Variants in CDKL4 observed in about 807,000 individuals in gnomAD.
CDKL4 encodes cyclin-dependent kinase-like 4.
In CDKL4, 44 loss-of-function variants were observed where a neutral mutation model predicts 42.0. The observed-to-expected ratio is 1.05, with a 90% confidence interval of 0.82 to 1.35. The LOEUF (loss-of-function observed/expected upper bound fraction) is 1.35, where lower values mean the gene tolerates loss of function less well. Among genes scored for constraint, CDKL4 ranks in the 40% most tolerant of loss-of-function variants. CDKL4 has a pLI of 0.00. For synonymous variants in CDKL4, 120 were observed against 121.6 expected, an observed-to-expected ratio of 0.99 and a Z score of 0.09; for missense variants, 393 against 369.9, an observed-to-expected ratio of 1.06 and a Z score of -0.51.
At chr2:39,172,960 C>A (rs909917749), downstream of CDKL4, among the ~76,000 whole-genome samples, 1 of 152,142 alleles carries the variant, frequency 6.6e-6, no homozygotes, top group African/African-American at 2.4e-5. Flanking sequence ...GTCCCCTCCC[C>A]AGTGACACCT....
intron 1 of CDKL4, among the ~76,000 whole-genome samples, chr2:39,239,008 T>C (rs1193158751): frequency 6.6e-6 from 1 of 152,234 alleles, no homozygotes; most frequent in Non-Finnish European, 1.5e-5. Flanking sequence ...TGCTGTGGCC[T>C]CCAAAAGTGT....
At chr2:39,200,569 T>A (rs1052802474) in intron 5 of CDKL4, among the ~76,000 whole-genome samples, 1 of 152,030 alleles carries the variant, frequency 6.6e-6, no homozygotes, top group Admixed American at 6.6e-5. Flanking sequence ...GGAGGGATTA[T>A]CCTACCTGAC....
intron 8 of CDKL4, among the ~76,000 whole-genome samples, chr2:39,183,053 G>A (rs1448066279): frequency 4.6e-5 from 7 of 152,184 alleles, no homozygotes; most frequent in Admixed American, 4.6e-4. Context: ...AGGCCTAGGT[G>A]GGCGGATCAT....
downstream of CDKL4, among the ~76,000 whole-genome samples, chr2:39,173,532 G>A (rs752685294): frequency 9.2e-5 from 14 of 152,072 alleles, no homozygotes; most frequent in East Asian, 1.9e-4. Flanking sequence ...AGCTGGAGCC[G>A]GGCGCGGTGG....
At chr2:39,227,065 C>T (rs1678793288) in intron 2 of CDKL4, among the ~76,000 whole-genome samples, 1 of 151,842 alleles carries the variant, frequency 6.6e-6, no homozygotes, top group Non-Finnish European at 1.5e-5. Flanking sequence ...GGATTACAGG[C>T]GTGAGCCATT....
intron 4 of CDKL4, among the ~76,000 whole-genome samples, chr2:39,206,360 G>T (rs1677187810): frequency 6.6e-6 from 1 of 152,212 alleles, no homozygotes; most frequent in African/African-American, 2.4e-5. Flanking sequence ...GGGATTACAG[G>T]CGTGAGCCAC....
intron 4 of CDKL4, among the ~76,000 whole-genome samples, chr2:39,209,234 C>T (rs1677426064): frequency 6.7e-6 from 1 of 150,220 alleles, no homozygotes; most frequent in South Asian, 2.1e-4. Context: ...ATTGTTTGAG[C>T]ATGGGAGGCT....
upstream of CDKL4, among the ~76,000 whole-genome samples, chr2:39,246,304 A>C (rs1679910671): frequency 6.6e-6 from 1 of 152,232 alleles, no homozygotes. Flanking sequence ...CTTCCACTAA[A>C]GTCAAATACT....
chr2:39,218,317 A>G (rs13000581), intron 3 of CDKL4, among the ~76,000 whole-genome samples: 111,821 of 151,866 alleles, frequency 0.74, 45,550 homozygotes, highest in Non-Finnish European at 0.91. Flanking sequence ...CCTGGGCCAC[A>G]TGGCAAGACC....
intron 3 of CDKL4, among the ~76,000 whole-genome samples, chr2:39,222,687 T>G (rs1401700820): frequency 2.0e-5 from 3 of 152,050 alleles, no homozygotes; most frequent in Non-Finnish European, 1.5e-5. Context: ...ATGAGCTAAG[T>G]CTATAGACAG....
intron 4 of CDKL4, among the ~76,000 whole-genome samples, chr2:39,207,662 C>G (rs1428724264): frequency 6.6e-6 from 1 of 152,126 alleles, no homozygotes; most frequent in African/African-American, 2.4e-5. Flanking sequence ...AAATTTATAG[C>G]ACTTATTTTT....
chr2:39,196,250 C>T (rs998853911), intron 5 of CDKL4, among the ~76,000 whole-genome samples: 1 of 152,204 alleles, frequency 6.6e-6, no homozygotes, highest in Non-Finnish European at 1.5e-5. Context: ...CAACCAAGGA[C>T]CCTCATAGAG....
chr2:39,208,469 T>G (rs1347049565), intron 4 of CDKL4, among the ~76,000 whole-genome samples: 1 of 151,788 alleles, frequency 6.6e-6, no homozygotes, highest in Non-Finnish European at 1.5e-5. Flanking sequence ...GCCTCCTGAG[T>G]TGCTGGGATT....
intron 1 of CDKL4, among the ~76,000 whole-genome samples, chr2:39,234,134 C>T (rs1018383654): frequency 7.2e-5 from 11 of 151,774 alleles, no homozygotes; most frequent in African/African-American, 1.7e-4. Flanking sequence ...AGGACGGTCT[C>T]GATCTCCTGA....
chr2:39,207,234 A>T (rs1677254631), intron 4 of CDKL4, among the ~76,000 whole-genome samples: 1 of 152,028 alleles, frequency 6.6e-6, no homozygotes, highest in African/African-American at 2.4e-5. Flanking sequence ...AAAAATACAA[A>T]AATTAGCTAG....
Position 39,192,643 on chromosome 2 carries a change from T to C in CDKL4, c.455-2141A>G, listed in dbSNP as rs111935628. On this transcript the variant is annotated intron_variant, in intron 5 of 9. Coordinates refer to ENST00000451199, the Ensembl canonical transcript of CDKL4. ...CAATTCTGTGTCCTGATTTTTTTCA[T>C]TGAATTCTATGCATTTATCATGTTA... Among the ~76,000 whole-genome samples the C allele has an allele frequency of 3.0e-3, 455 of 152,184 alleles. 5 individuals carry two copies. The highest frequency in any genetic ancestry group is 0.01 in the African/African-American group (436 of 41,528).
At chr2:39,182,331 C>A (rs897894157) in intron 8 of CDKL4, among the ~76,000 whole-genome samples, 1 of 152,158 alleles carries the variant, frequency 6.6e-6, no homozygotes, top group Non-Finnish European at 1.5e-5. Flanking sequence ...CTATTGAAAT[C>A]TAGTCCATCA....
intron 4 of CDKL4, among the ~76,000 whole-genome samples, chr2:39,210,439 T>C (rs1286288844): frequency 1.3e-5 from 2 of 152,174 alleles, no homozygotes; most frequent in Admixed American, 6.5e-5. Context: ...CCACTGGAAA[T>C]AGTCACAATC....
intron 3 of CDKL4, among the ~76,000 whole-genome samples, chr2:39,223,726 C>T (rs1039144647): frequency 1.3e-5 from 2 of 151,940 alleles, no homozygotes; most frequent in African/African-American, 2.4e-5. Flanking sequence ...GATCCTCCTA[C>T]CTCAGCCTCC....
Sources: allele counts gnomAD v4.1 joint callset (sites outside exome capture counted in the v4.1 genomes callset), GRCh38; gene constraint gnomAD v4.1.1; transcripts MANE v1.5; gene names NCBI Gene and HGNC (gene_info 2026-07-23, HGNC 2026-07-21).